Variants in TENM2 observed in about 807,000 individuals in gnomAD.
The protein encoded by TENM2 is teneurin-2.
TENM2 carries 52 observed loss-of-function variants against 245.2 expected under a neutral mutation model. That is an observed-to-expected ratio of 0.21 (90% CI 0.17 to 0.27). The LOEUF (loss-of-function observed/expected upper bound fraction) is 0.27, where lower values mean the gene tolerates loss of function less well. Ranked by LOEUF, TENM2 falls within the 10% of genes least tolerant of loss-of-function variation. The pLI is 1.00. For synonymous variants in TENM2, 1,363 were observed against 1,438.9 expected (o/e 0.95, Z 1.19); for missense variants, 3,046 against 3,666.8 (o/e 0.83, Z 4.37).
chr5:167,476,061 C>G (rs1767350575), intron 2 of TENM2, among the ~76,000 whole-genome samples: 1 of 152,128 alleles, frequency 6.6e-6, no homozygotes, highest in Admixed American at 6.5e-5. Context: ...TCTTTAATGT[C>G]TGACTTAATA....
the TENM2 span, among the ~76,000 whole-genome samples, chr5:167,161,574 T>C: frequency 0.03 from 4,559 of 152,268 alleles, 212 homozygotes; most frequent in African/African-American, 0.1. Flanking sequence ...ACAAACTAAA[T>C]AAAGTTAAAT....
chr5:167,481,302 A>G (rs1277937252), intron 2 of TENM2, among the ~76,000 whole-genome samples: 1 of 152,222 alleles, frequency 6.6e-6, no homozygotes, highest in Non-Finnish European at 1.5e-5. Flanking sequence ...TGAGCTGAAA[A>G]TAGATTTACC....
At chr5:168,259,673 C>T (rs1768011468) in intron 27 of TENM2, among the ~76,000 whole-genome samples, 1 of 152,174 alleles carries the variant, frequency 6.6e-6, no homozygotes, top group African/African-American at 2.4e-5. Context: ...TCTTGGAAAC[C>T]CCTTTCCATA....
intron 12 of TENM2, among the ~76,000 whole-genome samples, chr5:168,131,787 G>A (rs1754604598): frequency 1.3e-5 from 2 of 152,074 alleles, no homozygotes; most frequent in Non-Finnish European, 2.9e-5. Context: ...TGACTCTACA[G>A]TGAGATCAAG....
chr5:167,948,544 C>T (rs184734567), intron 3 of TENM2, among the ~76,000 whole-genome samples: 7 of 152,304 alleles, frequency 4.6e-5, no homozygotes, highest in South Asian at 2.1e-4. Flanking sequence ...GTTCCTTCTT[C>T]CTAGGACTAA....
intron 5 of TENM2, among the ~76,000 whole-genome samples, chr5:168,035,515 A>C (rs1161836766): frequency 6.6e-6 from 1 of 151,980 alleles, no homozygotes; most frequent in East Asian, 1.9e-4. Context: ...AAAAAAAAAA[A>C]AGTCATAAGT....
intron 1 of TENM2, among the ~76,000 whole-genome samples, chr5:167,310,636 C>CA (rs201602595): frequency 0.014 from 2,084 of 151,372 alleles, 44 homozygotes; most frequent in African/African-American, 0.047. Flanking sequence ...AAACAAAAAA[C>CA]AAAAAAAACA....
At chr5:167,067,502 T>G in the TENM2 span, among the ~76,000 whole-genome samples, 1 of 152,188 alleles carries the variant, frequency 6.6e-6, no homozygotes, top group South Asian at 2.1e-4. Context: ...TTAAATTAAT[T>G]GAAATGCTGT....
intron 5 of TENM2, among the ~76,000 whole-genome samples, chr5:168,036,572 G>C (rs1787684692): frequency 6.7e-6 from 1 of 149,896 alleles, no homozygotes; most frequent in Non-Finnish European, 1.5e-5. Flanking sequence ...GGAGGTGGAG[G>C]TTGCAGTGAG....
intron 1 of TENM2, chr5:167,287,381 C>T (rs767421890): frequency 3.3e-5 from 5 of 152,130 alleles, no homozygotes; most frequent in African/African-American, 4.8e-5. Flanking sequence ...GGATCATCTC[C>T]GTACTTATTA....
At chr5:167,122,747 A>G in the TENM2 span, among the ~76,000 whole-genome samples, 1 of 152,154 alleles carries the variant, frequency 6.6e-6, no homozygotes, top group Non-Finnish European at 1.5e-5. Flanking sequence ...ATGATCCCCA[A>G]ATCATTAAGA....
chr5:167,277,758 T>C, the TENM2 span, among the ~76,000 whole-genome samples: 1 of 152,124 alleles, frequency 6.6e-6, no homozygotes, highest in Non-Finnish European at 1.5e-5. Flanking sequence ...AGTTATATCA[T>C]TTTTTTGTTT....
chr5:168,131,439 T>C (rs1180776418), intron 12 of TENM2, among the ~76,000 whole-genome samples: 1 of 152,238 alleles, frequency 6.6e-6, no homozygotes, highest in Non-Finnish European at 1.5e-5. Context: ...TTTCCCTGTA[T>C]CGCACTGGGC....
chr5:167,227,742 T>TAA, the TENM2 span, among the ~76,000 whole-genome samples: 1 of 152,318 alleles, frequency 6.6e-6, no homozygotes, highest in South Asian at 2.1e-4. Context: ...GAAGATCTTT[T>TAA]TGCTTTGTAT....
At chr5:167,582,987 T>C (rs1482863134) in intron 2 of TENM2, among the ~76,000 whole-genome samples, 1 of 152,232 alleles carries the variant, frequency 6.6e-6, no homozygotes, top group Non-Finnish European at 1.5e-5. Flanking sequence ...TATATTAAGC[T>C]AAAATTGTTG....
intron 4 of TENM2, among the ~76,000 whole-genome samples, 188 bp from the exon 7 acceptor site, chr5:167,992,756 A>C (rs964575088): frequency 2.0e-5 from 3 of 152,180 alleles, no homozygotes; most frequent in African/African-American, 7.2e-5. Flanking sequence ...AAAGGAGCAA[A>C]TTATGCACAT....
At chr5:167,258,231 A>ATATATATATGTATATATATATGTG in the TENM2 span, among the ~76,000 whole-genome samples, 117 of 95,982 alleles carry the variant, frequency 1.2e-3, 1 homozygote, top group African/African-American at 3.2e-3. Flanking sequence ...ATATATGTGT[A>ATATATATATGTATATATATATGTG]TATATATATA....
rs58985992 is a variant in TENM2 at position 167,640,860 on chromosome 5, CATATATATATATATATATATATATATAT to C, written c.503-235107_503-235080del. The stretch of plus-strand genomic sequence containing the variant: ...ATATATCCATATATATATATATATC[CATATATATATATATATATATATATATAT>C]ATATATATATATATATATCTTTCTC... On this transcript the variant is annotated intron_variant, in intron 2 of 28. Transcript: ENST00000518659. Among the ~76,000 whole-genome samples, 41 of 47,408 alleles carry C rather than the reference CATATATATATATATATATATATATATAT, an allele frequency of 8.6e-4. 2 individuals are homozygous for C. Among genetic ancestry groups the C allele is most frequent in the South Asian group, 3.7e-3 (5 of 1,354 alleles). The allele number at this position is 47,408 out of a possible 152,430, so 31.1% of individuals were successfully genotyped here.
At chr5:167,796,627 T>C (rs1329922309) in intron 2 of TENM2, among the ~76,000 whole-genome samples, 1 of 152,152 alleles carries the variant, frequency 6.6e-6, no homozygotes, top group Non-Finnish European at 1.5e-5. Context: ...TGTGTGTGTG[T>C]GTGTGTGCGT....
Sources: gnomAD v4.1 joint callset for allele counts (sites outside exome capture counted in the v4.1 genomes callset) on GRCh38, gnomAD v4.1.1 for gene constraint, MANE v1.5 for transcripts, NCBI Gene and HGNC (gene_info 2026-07-23, HGNC 2026-07-21) for gene names.